The following DNAJC13 variants were observed in gnomAD, a reference collection of about 807,000 sequenced individuals.
The protein encoded by DNAJC13 is DnaJ heat shock protein family (Hsp40) member C13, also known as dnaJ homolog subfamily C member 13.
A neutral mutation model predicts 290.5 loss-of-function variants in DNAJC13; 75 were observed. That is an observed-to-expected ratio of 0.26 (90% CI 0.21 to 0.31). DNAJC13 has a LOEUF of 0.31. DNAJC13 is among the 10% of genes least tolerant of loss of function. The probability of loss-of-function intolerance (pLI) is 1.00; values close to 1 mark genes in which losing one functional copy is unlikely to be tolerated. For missense variants in DNAJC13, 2,260 were observed against 2,674.5 expected (o/e 0.85, Z 3.42); for synonymous variants, 862 against 892.0 (o/e 0.97, Z 0.60).
At chr3:132,484,440 C>T (rs1312051101) in intron 28 of DNAJC13, 148 bp from the exon 29 acceptor site, 5 of 674,176 alleles carry the variant, frequency 7.4e-6, no homozygotes, top group African/African-American at 1.8e-5. Context: ...ACCAAAATAC[C>T]TAATCATGTT....
intron 6 of DNAJC13, among the ~76,000 whole-genome samples, chr3:132,451,434 TG>T (rs1933411955): frequency 1.3e-5 from 2 of 152,226 alleles, no homozygotes; most frequent in African/African-American, 2.4e-5. Flanking sequence ...TGCGTGTTTT[TG>T]TTCTGAAATT....
rs1230154384 is a variant in DNAJC13 at position 132,491,128 on chromosome 3, T to TA, written c.3623+81dup. ...GCTCGCCATCTGCTTTGACTTCTGT[T>TA]AAAAGAAATGTTTTCACTAGGTTTA... On this transcript the variant is annotated intron_variant, in intron 32 of 55. Coordinates refer to ENST00000260818, the MANE Select transcript of DNAJC13 (RefSeq NM_015268.4). 2.4e-6 allele frequency: 3 copies of TA among 1,237,812 alleles called. No individual in the cohort carries two copies. The African/African-American group carries it at 4.6e-5, about 19-fold the overall frequency. 76.7% of individuals were successfully genotyped at this position (1,237,812 alleles called of 1,614,324 possible).
intron 29 of DNAJC13, among the ~76,000 whole-genome samples, chr3:132,486,219 C>G (rs1363567355): frequency 6.7e-6 from 1 of 150,368 alleles, no homozygotes. Flanking sequence ...TTATTGAGGG[C>G]TCTAAACTAT....
intron 55 of DNAJC13, among the ~76,000 whole-genome samples, chr3:132,536,752 G>A (rs192651544): frequency 6.6e-6 from 1 of 152,296 alleles, no homozygotes; most frequent in Admixed American, 6.5e-5. Context: ...AGAAGGGTTT[G>A]TTGACCTGGT....
intron 13 of DNAJC13, among the ~76,000 whole-genome samples, chr3:132,459,560 G>T (rs1933723662): frequency 6.6e-6 from 1 of 152,024 alleles, no homozygotes; most frequent in African/African-American, 2.4e-5. Flanking sequence ...AATTTAAAAT[G>T]GTTAAGATGG....
At chr3:132,467,558 T>A (rs961877864) in intron 20 of DNAJC13, among the ~76,000 whole-genome samples, 3 of 152,096 alleles carry the variant, frequency 2.0e-5, no homozygotes, top group Admixed American at 6.6e-5. Flanking sequence ...CTCCGCCTCC[T>A]GGGTTCACGC....
chr3:132,532,915 T>TATC (rs1936462017), intron 55 of DNAJC13, among the ~76,000 whole-genome samples: 1 of 148,352 alleles, frequency 6.7e-6, no homozygotes, highest in African/African-American at 2.5e-5. Flanking sequence ...TTTTTGTAAT[T>TATC]ATTATTATTA....
rs766160955 is a variant in DNAJC13 at position 132,475,118 on chromosome 3, A to C, written c.2445+33A>C. 7 of 1,508,880 alleles carry C rather than the reference A, an allele frequency of 4.6e-6. No individual in the cohort carries two copies. In the South Asian group the frequency reaches 9.4e-5, roughly 20 times the overall value. 93.5% of individuals were successfully genotyped at this position (1,508,880 alleles called of 1,614,324 possible). ...TTGATTTTTCCAGTATATTAATCTT[A>C]AAAAATAAAGCATGTACTATTTGGG... On this transcript the variant is annotated intron_variant, in intron 22 of 55. Transcript: ENST00000260818.
At chr3:132,432,630 C>G (rs1939272256) in intron 1 of DNAJC13, among the ~76,000 whole-genome samples, 2 of 152,192 alleles carry the variant, frequency 1.3e-5, no homozygotes, top group African/African-American at 4.8e-5. Context: ...TTTTCAAAAC[C>G]TATCAGTCTT....
At chr3:132,426,172 CT>C (rs1268104768) in intron 1 of DNAJC13, among the ~76,000 whole-genome samples, 2 of 152,038 alleles carry the variant, frequency 1.3e-5, no homozygotes, top group African/African-American at 4.8e-5. Flanking sequence ...CTGTGTTGCC[CT>C]GAATTTGACT....
chr3:132,472,185 A>G (rs1006777700), intron 20 of DNAJC13, among the ~76,000 whole-genome samples: 1 of 151,212 alleles, frequency 6.6e-6, no homozygotes, highest in Non-Finnish European at 1.5e-5. Context: ...AGATGGCAGC[A>G]GTACAGTCCA....
At position 132,457,323 on chromosome 3, in the gene DNAJC13, C is replaced by T. The variant is rs200255961; in HGVS notation, c.1404C>T (p.Asn468=). Residue 468 remains asparagine, a synonymous_variant, in exon 13 of 56, where the codon AAC becomes AAT. Transcript: ENST00000260818. ...KVVKALKRSN[N]GIIHAAVDML... is the part of the protein sequence containing the mutation. ...TAAAAGCACTCAAAAGAAGCAACAA[C>T]GGAATAATCCATGCAGCAGTTGATA... 4.8e-5 allele frequency: 78 copies of T among 1,613,364 alleles called. No individual in the cohort carries two copies. Among genetic ancestry groups the T allele is most frequent in the Non-Finnish European group, 6.3e-5 (74 of 1,179,678 alleles).
At chr3:132,471,908 AG>A (rs1187348275) in intron 20 of DNAJC13, among the ~76,000 whole-genome samples, 1 of 144,070 alleles carries the variant, frequency 6.9e-6, no homozygotes, top group Non-Finnish European at 1.5e-5. Context: ...TGGGAGGTGT[AG>A]GTTGTAGTGA....
At chr3:132,439,753 C>T (rs986617270) in intron 2 of DNAJC13, among the ~76,000 whole-genome samples, 12 of 152,172 alleles carry the variant, frequency 7.9e-5, no homozygotes, top group Non-Finnish European at 1.5e-4. Context: ...AAAGCTCTTA[C>T]TGAGCTTTTA....
rs776498982 is a variant in DNAJC13 at position 132,477,914 on chromosome 3, G to T, written c.2549+22G>T. 1.9e-6 allele frequency: 3 copies of T among 1,604,652 alleles called. No individual in the cohort carries two copies. The South Asian group carries it at 3.4e-5, about 18-fold the overall frequency. ...GATCGTGAGCTACTCTGTATATCCTGTCGCATTTGTTTTCACTGTTGGTTT... is the reference window on the plus strand; with the variant it reads ...GATCGTGAGCTACTCTGTATATCCTTTCGCATTTGTTTTCACTGTTGGTTT... On this transcript the variant is annotated intron_variant, in intron 23 of 55. Transcript: ENST00000260818.
intron 46 of DNAJC13, among the ~76,000 whole-genome samples, chr3:132,516,022 C>G (rs1935909924): frequency 6.6e-6 from 1 of 152,166 alleles, no homozygotes; most frequent in African/African-American, 2.4e-5. Flanking sequence ...ACTGCTACTT[C>G]CTACTTTTTC....
intron 31 of DNAJC13, among the ~76,000 whole-genome samples, chr3:132,490,184 A>G (rs945137665): frequency 1.3e-5 from 2 of 152,192 alleles, no homozygotes; most frequent in African/African-American, 2.4e-5. Context: ...TGATAAAACA[A>G]TGTTTGGGTT....
chr3:132,424,496 C>T (rs955922507), intron 1 of DNAJC13, among the ~76,000 whole-genome samples: 13 of 151,972 alleles, frequency 8.6e-5, no homozygotes, highest in African/African-American at 3.1e-4. Flanking sequence ...TTTTCTTGCC[C>T]TGTATTTCAT....
intron 2 of DNAJC13, among the ~76,000 whole-genome samples, chr3:132,443,462 C>A (rs1933139788): frequency 6.6e-6 from 1 of 152,134 alleles, no homozygotes; most frequent in South Asian, 2.1e-4. Context: ...TGGTAAAAAT[C>A]TTTTAGCTGT....
Sources: allele counts gnomAD v4.1 joint callset (sites outside exome capture counted in the v4.1 genomes callset), GRCh38; gene constraint gnomAD v4.1.1; transcripts MANE v1.5; gene names NCBI Gene and HGNC (gene_info 2026-07-23, HGNC 2026-07-21).